The following RWDD3 variants were observed in gnomAD, a reference collection of about 807,000 sequenced individuals.
RWDD3 encodes the protein RWD domain-containing protein 3.
In RWDD3, 30 loss-of-function variants were observed where a neutral mutation model predicts 26.5. That is an observed-to-expected ratio of 1.13 (90% CI 0.85 to 1.54). The LOEUF (loss-of-function observed/expected upper bound fraction) is 1.54, where lower values mean the gene tolerates loss of function less well. Ranked by LOEUF, RWDD3 falls within the 40% of genes most tolerant of loss-of-function variation. The pLI is 0.00. For missense variants in RWDD3, 296 were observed against 309.1 expected, an observed-to-expected ratio of 0.96 and a Z score of 0.32; for synonymous variants, 113 against 114.5, an observed-to-expected ratio of 0.99 and a Z score of 0.09.
At chr1:95,235,982 T>C (rs910746342) in intron 1 of RWDD3, among the ~76,000 whole-genome samples, 12 of 152,198 alleles carry the variant, frequency 7.9e-5, no homozygotes, top group Admixed American at 7.9e-4. Flanking sequence ...AATGTTATAT[T>C]GTAGCTACCA....
upstream of RWDD3, chr1:95,234,201 G>C: frequency 4.5e-6 from 7 of 1,561,206 alleles, no homozygotes; most frequent in Non-Finnish European, 5.2e-6. Context: ...CAGCGGAAGG[G>C]GAAGCGCTGA....
chr1:95,235,983 G>A (rs1020061746), intron 1 of RWDD3, among the ~76,000 whole-genome samples: 1 of 152,060 alleles, frequency 6.6e-6, no homozygotes, highest in African/African-American at 2.4e-5. Flanking sequence ...ATGTTATATT[G>A]TAGCTACCAT....
At chr1:95,235,279 C>G (rs1018054740) in intron 1 of RWDD3, among the ~76,000 whole-genome samples, 1 of 149,608 alleles carries the variant, frequency 6.7e-6, no homozygotes, top group African/African-American at 2.5e-5. Context: ...GTCTCGATCT[C>G]CGGACCTCGT....
intron 1 of RWDD3, chr1:95,239,754 T>C (rs1020911351): frequency 1.6e-6 from 2 of 1,259,736 alleles, no homozygotes; most frequent in African/African-American, 3.1e-5. Context: ...GTTTCACCCA[T>C]TGCTATTCTG....
chr1:95,242,176 C>G (rs1399507192), intron 1 of RWDD3, among the ~76,000 whole-genome samples: 3 of 152,310 alleles, frequency 2.0e-5, no homozygotes, highest in African/African-American at 7.2e-5. Flanking sequence ...GAATTATCTA[C>G]CAACACAGAC....
Position 95,244,632 on chromosome 1 carries a change from A to C in RWDD3, c.507A>C (p.Thr169=), listed in dbSNP as rs920745967. 8.7e-6 allele frequency: 14 copies of C among 1,614,204 alleles called. No individual in the cohort carries two copies. The highest frequency in any genetic ancestry group is 1.2e-5 in the Non-Finnish European group (14 of 1,180,022). The change falls in exon 2 of 4, where the codon ACA becomes ACC. Residue 169 remains threonine, a synonymous_variant. Coordinates refer to ENST00000370202, the MANE Select transcript of RWDD3 (RefSeq NM_015485.5). Reference sequence around the variant, plus strand: ...AGTGGGCTTCAGATTTAAGGCTGACAGGAAGACTGATGTTCATGGGTAAAA... The same window carrying C: ...AGTGGGCTTCAGATTTAAGGCTGACCGGAAGACTGATGTTCATGGGTAAAA... ...VEKWASDLRL[T]GRLMFMGKII...
chr1:95,244,225 G>A lies in RWDD3; in HGVS notation c.100G>A (p.Val34Met), dbSNP rs369999943. ...VLSRSETDGT[V>M]FRIHTKAEGF... The stretch of plus-strand genomic sequence containing the variant: ...ATGCCTTCCAGAGACAGATGGGACC[G>A]TGTTCAGAATTCACACAAAAGCTGA... Residue 34 changes from valine to methionine, a missense_variant, in exon 2 of 4, where the codon GTG becomes ATG. Transcript: ENST00000370202. 1.4e-5 allele frequency: 22 copies of A among 1,613,754 alleles called. No homozygotes were observed. Among genetic ancestry groups the A allele is most frequent in the East Asian group, 8.9e-5 (4 of 44,896 alleles).
Position 95,244,665 on chromosome 1 carries a change from G to A in RWDD3, c.540G>A (p.Leu180=). The change falls in exon 2 of 4, where the codon CTG becomes CTA. Residue 180 remains leucine, a synonymous_variant. Transcript: ENST00000370202. The part of the protein sequence containing the change: ...GRLMFMGKII[L]ILLQGDRNNL... ...TGATGTTCATGGGTAAAATAATACTGATTTTACTACAGGGAGACAGAAACA... is the reference window on the plus strand; with the variant it reads ...TGATGTTCATGGGTAAAATAATACTAATTTTACTACAGGGAGACAGAAACA... 7 of 1,613,704 alleles carry A rather than the reference G, an allele frequency of 4.3e-6. No individual in the cohort carries two copies. Among genetic ancestry groups the A allele is most frequent in the Non-Finnish European group, 5.9e-6 (7 of 1,179,784 alleles).
At chr1:95,238,082 G>C (rs372101022) in intron 1 of RWDD3, among the ~76,000 whole-genome samples, 1 of 152,214 alleles carries the variant, frequency 6.6e-6, no homozygotes, top group South Asian at 2.1e-4. Flanking sequence ...CCATTTTCCT[G>C]ATGAGGAAAT....
Position 95,235,351 on chromosome 1 carries a change from CTTTTTTTTT to C in RWDD3, c.85+1053_85+1061del, listed in dbSNP as rs1166711835. Among the ~76,000 whole-genome samples the C allele has an allele frequency of 1.2e-4, 5 of 41,352 alleles. 1 individual carries two copies. The highest frequency in any genetic ancestry group is 4.0e-5 in the Non-Finnish European group (1 of 25,254). 27.1% of individuals were successfully genotyped at this position (41,352 alleles called of 152,430 possible). A position where few individuals can be genotyped will look rare whatever the true frequency, so the allele number is the denominator to read the frequency against. ...ACAGGCGTGAGCCACTGCGCCCGGC[CTTTTTTTTT>C]TTTTTTTTTTTTTTTTGAGACAGAG... On this transcript the variant is annotated intron_variant, in intron 1 of 3. Transcript: ENST00000370202.
At chr1:95,235,351 C>CTTTTTT (rs1166711835) in intron 1 of RWDD3, among the ~76,000 whole-genome samples, 588 of 41,376 alleles carry the variant, frequency 0.014, 103 homozygotes, top group East Asian at 0.026. Flanking sequence ...TGCGCCCGGC[C>CTTTTTT]TTTTTTTTTT....
chr1:95,239,943 T>C (rs1680539548), intron 1 of RWDD3: 1 of 1,289,274 alleles, frequency 7.8e-7, no homozygotes, highest in Non-Finnish European at 1.0e-6. Flanking sequence ...TGGAGAACAC[T>C]GTGGGTCTCA....
intron 1 of RWDD3, chr1:95,243,277 A>G (rs1015912826): frequency 6.6e-6 from 1 of 152,224 alleles, no homozygotes; most frequent in East Asian, 1.9e-4. Flanking sequence ...GGATACATTC[A>G]GGTCTCAGTT....
chr1:95,240,654 G>A (rs559843443), intron 1 of RWDD3, among the ~76,000 whole-genome samples: 2 of 152,180 alleles, frequency 1.3e-5, no homozygotes, highest in South Asian at 2.1e-4. Flanking sequence ...CCTAGGCGTT[G>A]CATGGAGGAA....
At chr1:95,235,995 A>G (rs1040105592) in intron 1 of RWDD3, among the ~76,000 whole-genome samples, 3 of 152,180 alleles carry the variant, frequency 2.0e-5, no homozygotes, top group Non-Finnish European at 4.4e-5. Context: ...AGCTACCATT[A>G]AAATTGGCTT....
chr1:95,244,691 A>G lies in RWDD3; in HGVS notation c.566A>G (p.Asn189Ser), dbSNP rs777010339. ...ATTTTACTACAGGGAGACAGAAACAACCTCAAGGTGCCAAAAAGTTAAATG... is the reference window on the plus strand; with the variant it reads ...ATTTTACTACAGGGAGACAGAAACAGCCTCAAGGTGCCAAAAAGTTAAATG... ...ILILLQGDRN[N>S]LKEYLILQKT... is the part of the protein sequence containing the mutation. The change falls in exon 2 of 4, where the codon AAC becomes AGC. Residue 189 changes from asparagine to serine, a missense_variant. Asn to Ser is a conservative substitution (Grantham distance 46). Transcript: ENST00000370202. 1 of 1,612,094 alleles carries G rather than the reference A, an allele frequency of 6.2e-7. No individual in the cohort carries two copies. Among genetic ancestry groups the G allele is most frequent in the East Asian group, 2.2e-5 (1 of 44,854 alleles).
At chr1:95,239,628 C>T (rs1036950986) in intron 1 of RWDD3, 4 of 599,662 alleles carry the variant, frequency 6.7e-6, no homozygotes, top group Non-Finnish European at 9.6e-6. Context: ...GGGGGATTTA[C>T]CAAGACCAAT....
chr1:95,242,803 C>T (rs993885704), intron 1 of RWDD3, among the ~76,000 whole-genome samples: 2 of 151,962 alleles, frequency 1.3e-5, no homozygotes, highest in Admixed American at 6.6e-5. Context: ...ACTGTAATCC[C>T]AGCTACTCGG....
chr1:95,235,590 C>A (rs1413012722), intron 1 of RWDD3, among the ~76,000 whole-genome samples: 2 of 151,822 alleles, frequency 1.3e-5, no homozygotes, highest in African/African-American at 4.8e-5. Flanking sequence ...AATCTCCTGA[C>A]CTCGTGATCC....
Sources: gnomAD v4.1 joint callset for allele counts (sites outside exome capture counted in the v4.1 genomes callset) on GRCh38, gnomAD v4.1.1 for gene constraint, MANE v1.5 for transcripts, NCBI Gene and HGNC (gene_info 2026-07-23, HGNC 2026-07-21) for gene names.